Variants in RIPK2 observed in about 807,000 individuals in gnomAD.
RIPK2 encodes the protein receptor interacting serine/threonine kinase 2, also known as receptor-interacting serine/threonine-protein kinase 2.
RIPK2 carries 38 observed loss-of-function variants against 60.9 expected under a neutral mutation model. That is an observed-to-expected ratio of 0.62 (90% CI 0.48 to 0.82). RIPK2 has a LOEUF of 0.82. RIPK2 is among the 40% of genes least tolerant of loss of function. RIPK2 has a pLI of 0.00. For missense variants in RIPK2, 518 were observed against 647.0 expected (o/e 0.80, Z 2.16); for synonymous variants, 225 against 223.4 (o/e 1.01, Z -0.06).
chr8:89,770,298 C>T (rs978252830), intron 4 of RIPK2, among the ~76,000 whole-genome samples: 1 of 151,702 alleles, frequency 6.6e-6, no homozygotes, highest in Non-Finnish European at 1.5e-5. Context: ...ATCTATATAT[C>T]TTTTTAGATA....
At position 89,775,462 on chromosome 8, in the gene RIPK2, T is replaced by TA. The variant is rs994782670; in HGVS notation, c.853+2646dup. Among the ~76,000 whole-genome samples, 331 of 137,458 alleles carry TA rather than the reference T, an allele frequency of 2.4e-3. 3 individuals carry two copies. Among genetic ancestry groups the TA allele is most frequent in the East Asian group, 0.018 (88 of 4,766 alleles). The allele number at this position is 137,458 out of a possible 152,430, so 90.2% of individuals were successfully genotyped here. ...ACAAAGCAAAATGCTGTTTCTTAAA[T>TA]AAAAAAAAAAAATCCTGGAGAAAGA... is the stretch of plus-strand genomic sequence containing the variant. On this transcript the variant is annotated intron_variant, in intron 6 of 10. Coordinates refer to ENST00000220751, the MANE Select transcript of RIPK2 (RefSeq NM_003821.6).
chr8:89,759,009 G>A (rs907629220), intron 1 of RIPK2, among the ~76,000 whole-genome samples: 5 of 152,070 alleles, frequency 3.3e-5, no homozygotes, highest in Admixed American at 3.3e-4. Flanking sequence ...TTTGGTTTTG[G>A]TTTATTATGT....
At chr8:89,772,849 T>C in intron 6 of RIPK2, 21 bp downstream of exon 6, 1 of 1,513,350 alleles carries the variant, frequency 6.6e-7, no homozygotes, top group Non-Finnish European at 8.9e-7. Context: ...AGTTTTAACC[T>C]AGACTCTTTG....
intron 10 of RIPK2, 102 bp downstream of exon 10, chr8:89,789,584 A>G (rs903442360): frequency 2.8e-6 from 3 of 1,073,056 alleles, no homozygotes; most frequent in Non-Finnish European, 2.7e-6. Context: ...TATTTCCTCA[A>G]TATGATAAAT....
chr8:89,765,808 A>G (rs997347562), intron 3 of RIPK2, among the ~76,000 whole-genome samples: 2 of 151,736 alleles, frequency 1.3e-5, no homozygotes, highest in Admixed American at 1.3e-4. Flanking sequence ...GGAAGTTGCA[A>G]AGGTAATAAA....
chr8:89,789,461 C>A lies in RIPK2; in HGVS notation c.1264C>A (p.Leu422Ile). The stretch of plus-strand genomic sequence containing the variant: ...ATGCTCTTCAGCAATAATAAATCCA[C>A]TCTCAACTGCAGGAAACTCAGGTAA... ...TPCSSAIINP[L>I]STAGNSERLQ... Residue 422 changes from leucine to isoleucine, a missense_variant, in exon 10 of 11, where the codon CTC becomes ATC. By Grantham distance (5) the Leu-to-Ile change is conservative. Transcript: ENST00000220751. 1 of 1,613,662 alleles carries A rather than the reference C, an allele frequency of 6.2e-7. No homozygotes were observed. The highest frequency in any genetic ancestry group is 1.3e-5 in the African/African-American group (1 of 75,038).
At chr8:89,773,058 T>G (rs1809340538) in intron 6 of RIPK2, among the ~76,000 whole-genome samples, 1 of 152,136 alleles carries the variant, frequency 6.6e-6, no homozygotes. Context: ...TTCTTTCATA[T>G]ATTTAACAAA....
rs563215407 is a variant in RIPK2 at position 89,779,296 on chromosome 8, T to C, written c.854-779T>C. 6.2e-5 allele frequency among the ~76,000 whole-genome samples: 9 copies of C among 144,488 alleles called. No individual in the cohort carries two copies. In the South Asian group the frequency reaches 1.9e-3, roughly 31 times the overall value. The allele number at this position is 144,488 out of a possible 152,430, so 94.8% of individuals were successfully genotyped here. On this transcript the variant is annotated intron_variant, in intron 6 of 10. Transcript: ENST00000220751. ...TTCAAATTTTTTGAAGTCCAATTTT[T>C]AGGCGGTTTTTGGGTTTTTTTTTTT...
intron 7 of RIPK2, among the ~76,000 whole-genome samples, chr8:89,780,969 A>G (rs896267014): frequency 6.6e-6 from 1 of 151,394 alleles, no homozygotes; most frequent in Non-Finnish European, 1.5e-5. Context: ...ATATTACTCA[A>G]AATTGTTTAA....
intron 8 of RIPK2, 120 bp from the exon 9 acceptor site, chr8:89,786,473 G>GA (rs112047259): frequency 0.026 from 13,797 of 526,040 alleles, 4 homozygotes; most frequent in Middle Eastern, 0.039. Context: ...GACCCTGTCT[G>GA]AAAAAAAAAA....
chr8:89,770,129 C>G (rs74306229), intron 4 of RIPK2, among the ~76,000 whole-genome samples, 200 bp downstream of exon 4: 9,060 of 151,766 alleles, frequency 0.06, 466 homozygotes, highest in East Asian at 0.25. Flanking sequence ...ACTTTTACAT[C>G]CTTTAAGAAA....
chr8:89,785,304 A>G (rs1809567296), intron 8 of RIPK2, among the ~76,000 whole-genome samples: 1 of 152,038 alleles, frequency 6.6e-6, no homozygotes, highest in African/African-American at 2.4e-5. Context: ...ACAAAACCCC[A>G]TCTCTACTAA....
chr8:89,761,711 T>TC (rs202147458), intron 1 of RIPK2, among the ~76,000 whole-genome samples: 3,584 of 98,350 alleles, frequency 0.036, 53 homozygotes, highest in Non-Finnish European at 0.056. Flanking sequence ...ATCTGGTCTG[T>TC]TAAAAAAAAA....
chr8:89,775,906 T>A (rs986283779), intron 6 of RIPK2, among the ~76,000 whole-genome samples: 3 of 152,310 alleles, frequency 2.0e-5, no homozygotes, highest in East Asian at 3.9e-4. Flanking sequence ...CAGAATATAT[T>A]AAGAAAAAGC....
intron 7 of RIPK2, among the ~76,000 whole-genome samples, chr8:89,782,634 G>A (rs1809519559): frequency 6.8e-6 from 1 of 147,828 alleles, no homozygotes. Context: ...CCAAGACCCT[G>A]TCTCTTAAGA....
At chr8:89,775,177 C>A (rs1050102759) in intron 6 of RIPK2, among the ~76,000 whole-genome samples, 19 of 152,156 alleles carry the variant, frequency 1.2e-4, no homozygotes, top group Admixed American at 2.0e-4. Context: ...GTGGCCCATG[C>A]CTGTAATCCC....
At position 89,765,324 on chromosome 8, in the gene RIPK2, T is replaced by C; in HGVS notation, c.328-17T>C. 2 of 1,573,428 alleles carry C rather than the reference T, an allele frequency of 1.3e-6. No homozygotes were observed. Among genetic ancestry groups the C allele is most frequent in the Non-Finnish European group, 1.7e-6 (2 of 1,155,070 alleles). ...TTGGACTAATTTCATTTTCTTTCTTTTCACATATATATGAAGAAAACTGAA... is the reference window on the plus strand; with the variant it reads ...TTGGACTAATTTCATTTTCTTTCTTCTCACATATATATGAAGAAAACTGAA... On this transcript the variant is annotated splice_polypyrimidine_tract_variant and intron_variant, in intron 2 of 10. Transcript: ENST00000220751.
At chr8:89,783,345 T>C (rs537356406) in intron 7 of RIPK2, among the ~76,000 whole-genome samples, 1 of 152,232 alleles carries the variant, frequency 6.6e-6, no homozygotes, top group Non-Finnish European at 1.5e-5. Context: ...AATCATCTAC[T>C]CAGCAGCTAC....
intron 6 of RIPK2, among the ~76,000 whole-genome samples, chr8:89,776,739 G>GCC (rs1809403076): frequency 1.3e-5 from 2 of 152,302 alleles, no homozygotes; most frequent in South Asian, 2.1e-4. Context: ...AAATAGGATT[G>GCC]CTGAGAAGTG....
Sources: gnomAD v4.1 joint callset for allele counts (sites outside exome capture counted in the v4.1 genomes callset) on GRCh38, gnomAD v4.1.1 for gene constraint, MANE v1.5 for transcripts, NCBI Gene and HGNC (gene_info 2026-07-23, HGNC 2026-07-21) for gene names.